The following ZNF3 variants were observed in gnomAD, a reference collection of about 807,000 sequenced individuals.
ZNF3 encodes C2-H2 type zinc finger protein.
A neutral mutation model predicts 36.9 loss-of-function variants in ZNF3; 16 were observed. That is an observed-to-expected ratio of 0.43 (90% CI 0.29 to 0.66). ZNF3 has a LOEUF of 0.66. ZNF3 is among the 30% of genes least tolerant of loss of function. The pLI, the probability that ZNF3 is intolerant of heterozygous loss-of-function variation, is 0.13. For missense variants in ZNF3, 462 were observed against 543.1 expected (o/e 0.85, Z 1.48); for synonymous variants, 201 against 201.9 (o/e 1.00, Z 0.04).
chr7:100,070,313 T>C lies in ZNF3; in HGVS notation c.*830A>G, dbSNP rs1056834525. On this transcript the variant is annotated 3_prime_UTR_variant, in exon 6 of 6. Coordinates refer to ENST00000299667, the MANE Select transcript of ZNF3 (RefSeq NM_032924.5). ...AGGGCAAGCAGGCCAAGTGAGCTCC[T>C]TGAAAGCATCCTTACCCAGGCATTT... is the stretch of plus-strand genomic sequence containing the variant. 2 of 985,592 alleles carry C rather than the reference T, an allele frequency of 2.0e-6. No homozygotes were observed. The highest frequency in any genetic ancestry group is 3.5e-5 in the African/African-American group (2 of 57,368). 61.1% of individuals were successfully genotyped at this position (985,592 alleles called of 1,614,324 possible). A position where few individuals can be genotyped will look rare whatever the true frequency, so the allele number is the denominator to read the frequency against.
chr7:100,080,281 C>A (rs779872505), intron 1 of ZNF3, among the ~76,000 whole-genome samples: 3 of 152,200 alleles, frequency 2.0e-5, no homozygotes, highest in Non-Finnish European at 4.4e-5. Flanking sequence ...AGGTGATTCG[C>A]TGAAAATCTA....
At chr7:100,073,693 C>G (rs1158908432) in intron 5 of ZNF3, among the ~76,000 whole-genome samples, 3 of 151,928 alleles carry the variant, frequency 2.0e-5, no homozygotes, top group African/African-American at 7.3e-5. Flanking sequence ...AGCAGGGGCA[C>G]TAGGTCCTGA....
chr7:100,078,774 A>C (rs1562879123), intron 2 of ZNF3: 1 of 152,214 alleles, frequency 6.6e-6, no homozygotes, highest in African/African-American at 2.4e-5. Flanking sequence ...TCACATAGCA[A>C]ATGTTTGCTG....
chr7:100,064,792 A>G (rs1207569289), exon 6 of ZNF3: 1 of 1,614,128 alleles, frequency 6.2e-7, no homozygotes, highest in Admixed American at 1.7e-5. Flanking sequence ...AGGTCCTCAG[A>G]AGGTGTCAGG....
At chr7:100,064,868 A>G (rs761892591) in exon 6 of ZNF3, 19 of 1,610,444 alleles carry the variant, frequency 1.2e-5, no homozygotes, top group Non-Finnish European at 1.5e-5. Context: ...CCAGTAAGCC[A>G]TGCCAGCATT....
chr7:100,072,734 A>G (rs1425813943), intron 5 of ZNF3, among the ~76,000 whole-genome samples: 1 of 152,168 alleles, frequency 6.6e-6, no homozygotes, highest in Admixed American at 6.5e-5. Context: ...TCACGCCACA[A>G]ATGCCAAGCC....
At chr7:100,075,394 G>A (rs758166505) in intron 4 of ZNF3, 133 bp from the exon 5 acceptor site, 127 of 1,540,834 alleles carry the variant, frequency 8.2e-5, no homozygotes, top group Non-Finnish European at 1.1e-4. Flanking sequence ...GAGGAAGAGA[G>A]ACAGGAGTCC....
At chr7:100,063,991 G>A (rs146827623), downstream of ZNF3, 421 of 1,614,164 alleles carry the variant, frequency 2.6e-4, no homozygotes, top group Admixed American at 5.7e-4. Context: ...TAGAGAATCA[G>A]TTCCTACTAA....
At position 100,075,718 on chromosome 7, in the gene ZNF3, G is replaced by A. The variant is rs754454285; in HGVS notation, c.56-88C>T. ...ACTTCCCAACCCACAGAAAGCTCCC[G>A]GGGTCCTGGGACAACACAGGACCCT... On this transcript the variant is annotated intron_variant, in intron 3 of 5. Transcript: ENST00000299667. 471 of 1,284,808 alleles carry A rather than the reference G, an allele frequency of 3.7e-4. 1 individual carries two copies. Among genetic ancestry groups the A allele is most frequent in the Admixed American group, 9.0e-4 (46 of 51,362 alleles). The allele number at this position is 1,284,808 out of a possible 1,614,324, so 79.6% of individuals were successfully genotyped here. A position where few individuals can be genotyped will look rare whatever the true frequency, so the allele number is the denominator to read the frequency against.
Position 100,071,656 on chromosome 7 carries a change from C to A in ZNF3, c.828G>T (p.Arg276Ser). ...CATAGGGTTTCTCCCCCGTGTGGAT[C>A]CTCCGATGCAGAATGAGGGCAGAGC... is the stretch of plus-strand genomic sequence containing the variant. ...SCSSALILHR[R>S]IHTGEKPYEC... is the part of the protein sequence containing the mutation. Residue 276 changes from arginine (R) to serine (S), a missense_variant, in exon 6 of 6, where the codon AGG becomes AGT. Physicochemically the swap from Arg to Ser is moderately radical, Grantham distance 110. Coordinates refer to ENST00000299667, the MANE Select transcript of ZNF3 (RefSeq NM_032924.5). 6.2e-7 allele frequency: 1 copy of A among 1,612,362 alleles called. No homozygotes were observed. Among genetic ancestry groups the A allele is most frequent in the Non-Finnish European group, 8.5e-7 (1 of 1,179,640 alleles).
intron 2 of ZNF3, among the ~76,000 whole-genome samples, chr7:100,078,474 C>A (rs554201196): frequency 1.0e-4 from 14 of 139,332 alleles, no homozygotes; most frequent in African/African-American, 3.5e-4. Flanking sequence ...CCAGTCTGGG[C>A]AATAGACAGA....
At chr7:100,075,296 T>G (rs1234346684) in intron 4 of ZNF3, 35 bp from the exon 5 acceptor site, 2 of 1,613,268 alleles carry the variant, frequency 1.2e-6, no homozygotes, top group Middle Eastern at 1.7e-4. Flanking sequence ...AATTTCAGGG[T>G]GAGGAATGTG....
At chr7:100,079,964 A>C (rs1400809092) in intron 1 of ZNF3, among the ~76,000 whole-genome samples, 2 of 152,106 alleles carry the variant, frequency 1.3e-5, no homozygotes, top group Non-Finnish European at 2.9e-5. Flanking sequence ...CAGCCTCCCA[A>C]AGTGCTGGGA....
downstream of ZNF3, among the ~76,000 whole-genome samples, chr7:100,065,773 A>T (rs1398408116): frequency 2.0e-5 from 3 of 151,168 alleles, no homozygotes; most frequent in African/African-American, 4.9e-5. Context: ...TCCCCCTGCT[A>T]AACATATCCC....
At chr7:100,067,504 A>G (rs1199905964), downstream of ZNF3, among the ~76,000 whole-genome samples, 1 of 152,130 alleles carries the variant, frequency 6.6e-6, no homozygotes, top group Non-Finnish European at 1.5e-5. Context: ...TCCTGGGCTC[A>G]AGCAGTCCTC....
chr7:100,064,731 C>T, exon 6 of ZNF3: 3 of 1,612,906 alleles, frequency 1.9e-6, no homozygotes, highest in Non-Finnish European at 2.5e-6. Flanking sequence ...TATCACTCAA[C>T]ATCAGGGGAT....
chr7:100,080,689 T>G (rs1334673893), intron 1 of ZNF3, among the ~76,000 whole-genome samples: 3 of 152,084 alleles, frequency 2.0e-5, no homozygotes, highest in Non-Finnish European at 4.4e-5. Context: ...GGCGGGCGCC[T>G]GTAGTCCCAA....
At chr7:100,080,137 T>C (rs1794756965) in intron 1 of ZNF3, among the ~76,000 whole-genome samples, 1 of 152,192 alleles carries the variant, frequency 6.6e-6, no homozygotes, top group Non-Finnish European at 1.5e-5. Flanking sequence ...TGAAAGGGAA[T>C]GGTAGGTTCT....
In ZNF3 at chr7:100,064,369, G is replaced by A. The variant is rs780220822; in HGVS notation, c.*419C>T. ...TGGGGAGAAGCCTTATCAGTGTAACGAATGTGGGAAGAGCTTCAGTCAGCA... is the reference window on the plus strand; with the variant it reads ...TGGGGAGAAGCCTTATCAGTGTAACAAATGTGGGAAGAGCTTCAGTCAGCA... On this transcript the variant is annotated 3_prime_UTR_variant, in exon 6 of 6. Transcript: ENST00000413658. 6.0e-5 allele frequency: 97 copies of A among 1,613,960 alleles called. No homozygotes were observed. The highest frequency in any genetic ancestry group is 8.8e-5 in the South Asian group (8 of 91,070).
Sources: allele counts gnomAD v4.1 joint callset (sites outside exome capture counted in the v4.1 genomes callset), GRCh38; gene constraint gnomAD v4.1.1; transcripts MANE v1.5; gene names NCBI Gene and HGNC (gene_info 2026-07-23, HGNC 2026-07-21).